Variants in STEAP1B observed in about 807,000 individuals in gnomAD.
The protein encoded by STEAP1B is STEAP family protein MGC87042.
Under a neutral mutation model 27.9 loss-of-function variants are expected in STEAP1B, and 13 were observed. The observed-to-expected ratio is 0.47, with a 90% CI of 0.30 to 0.74. The LOEUF (loss-of-function observed/expected upper bound fraction) is 0.74. Ranked by LOEUF, STEAP1B falls within the 30% of genes least tolerant of loss-of-function variation. The pLI is 0.06. For missense variants in STEAP1B, 250 were observed against 298.7 expected (o/e 0.84, Z 1.20); for synonymous variants, 86 against 107.1 (o/e 0.80, Z 1.22).
chr7:22,466,581 C>T (rs1785787544), intron 4 of STEAP1B, among the ~76,000 whole-genome samples: 1 of 152,120 alleles, frequency 6.6e-6, no homozygotes. Flanking sequence ...GCCTCCAGAA[C>T]TATGAGAAAG....
intron 4 of STEAP1B, among the ~76,000 whole-genome samples, chr7:22,444,906 C>T (rs60219727): frequency 0.16 from 24,627 of 152,166 alleles, 2,082 homozygotes; most frequent in Non-Finnish European, 0.18. Flanking sequence ...ACTAAGCCAA[C>T]AATTGGACAC....
chr7:22,456,507 G>C (rs992593988), intron 4 of STEAP1B, among the ~76,000 whole-genome samples: 2 of 152,186 alleles, frequency 1.3e-5, no homozygotes, highest in Admixed American at 6.5e-5. Flanking sequence ...TGTGTCCTAT[G>C]TACTCAGTGA....
intron 4 of STEAP1B, among the ~76,000 whole-genome samples, chr7:22,475,057 T>C (rs1027430151): frequency 6.6e-6 from 1 of 152,172 alleles, no homozygotes; most frequent in Non-Finnish European, 1.5e-5. Context: ...CCTCATAGTA[T>C]CCTCATCTCC....
In STEAP1B at chr7:22,427,871, C is replaced by G. The variant is rs563487785; in HGVS notation, c.763-8035G>C. 5.3e-4 allele frequency among the ~76,000 whole-genome samples: 80 copies of G among 152,264 alleles called. 1 individual carries two copies. The South Asian group carries it at 0.016, about 31-fold the overall frequency. Reference sequence around the variant, plus strand: ...GTACGAGTAGAGAAATAGTAGAAATCAAAGAACACAACAAATGATTTGAAA... The same window carrying G: ...GTACGAGTAGAGAAATAGTAGAAATGAAAGAACACAACAAATGATTTGAAA... On this transcript the variant is annotated intron_variant, in intron 4 of 4. Coordinates refer to ENST00000678116, the MANE Select transcript of STEAP1B (RefSeq NM_001382447.1).
chr7:22,462,115 C>T (rs189047163), intron 4 of STEAP1B, among the ~76,000 whole-genome samples: 181 of 152,252 alleles, frequency 1.2e-3, no homozygotes, highest in African/African-American at 4.1e-3. Context: ...TTGAGTATCA[C>T]TACCAACTAA....
At chr7:22,496,178 A>T (rs1662023204) in intron 1 of STEAP1B, among the ~76,000 whole-genome samples, 1 of 56,786 alleles carries the variant, frequency 1.8e-5, no homozygotes, top group Admixed American at 2.2e-4. Context: ...TCAACAAAAA[A>T]GTCTAAAAAG....
intron 4 of STEAP1B, among the ~76,000 whole-genome samples, chr7:22,479,157 A>C (rs1481168386): frequency 6.6e-6 from 1 of 152,192 alleles, no homozygotes; most frequent in Non-Finnish European, 1.5e-5. Context: ...CTACATTATT[A>C]CTATCATTTC....
intron 4 of STEAP1B, among the ~76,000 whole-genome samples, chr7:22,453,053 T>C (rs1013646253): frequency 1.3e-5 from 2 of 152,172 alleles, no homozygotes; most frequent in East Asian, 1.9e-4. Flanking sequence ...TTGGCACATG[T>C]TCCCCCTTCC....
chr7:22,425,182 G>C (rs889117942), intron 4 of STEAP1B, among the ~76,000 whole-genome samples: 2 of 152,026 alleles, frequency 1.3e-5, no homozygotes, highest in African/African-American at 4.8e-5. Flanking sequence ...ATCTGCCCTG[G>C]GTGAAGTGTC....
Position 22,421,943 on chromosome 7 carries a change from T to G in STEAP1B, c.763-2107A>C, listed in dbSNP as rs375127708. On this transcript the variant is annotated intron_variant, in intron 4 of 4. Coordinates refer to ENST00000678116, the MANE Select transcript of STEAP1B (RefSeq NM_001382447.1). ...TCTGCAGTATGGATAAAACTTTGAATTTAGAATTATCACAATTAACTTTGA... is the reference window on the plus strand; with the variant it reads ...TCTGCAGTATGGATAAAACTTTGAAGTTAGAATTATCACAATTAACTTTGA... Among the ~76,000 whole-genome samples, 335 of 152,348 alleles carry G rather than the reference T, an allele frequency of 2.2e-3. 11 individuals carry two copies. The South Asian group carries it at 0.064, about 29-fold the overall frequency.
intron 4 of STEAP1B, 143 bp from the exon 5 acceptor site, chr7:22,419,979 C>G (rs1785024999): frequency 2.0e-6 from 2 of 976,330 alleles, no homozygotes; most frequent in Non-Finnish European, 2.9e-6. Flanking sequence ...CAGGGCAAAG[C>G]TAGGCCTAGA....
At chr7:22,428,759 T>A (rs1288988535) in intron 4 of STEAP1B, among the ~76,000 whole-genome samples, 1 of 151,934 alleles carries the variant, frequency 6.6e-6, no homozygotes, top group Non-Finnish European at 1.5e-5. Flanking sequence ...GCCACGGCAC[T>A]CCAGCCTGGT....
intron 4 of STEAP1B, among the ~76,000 whole-genome samples, chr7:22,467,155 T>C (rs1279390212): frequency 6.6e-6 from 1 of 152,246 alleles, no homozygotes; most frequent in Non-Finnish European, 1.5e-5. Context: ...GGTTTAGACT[T>C]GTCTCCCTTT....
chr7:22,471,060 C>T (rs1052608273), intron 4 of STEAP1B, among the ~76,000 whole-genome samples: 1 of 133,366 alleles, frequency 7.5e-6, no homozygotes, highest in Admixed American at 7.2e-5. Flanking sequence ...ACCTAAAGAG[C>T]CTATTTTTTC....
chr7:22,477,550 T>C (rs1236590316), intron 4 of STEAP1B, among the ~76,000 whole-genome samples: 2 of 152,242 alleles, frequency 1.3e-5, no homozygotes, highest in East Asian at 1.9e-4. Context: ...TTAGGACTGA[T>C]ACTAAAATAA....
rs1785019589 is a variant in STEAP1B, at chr7:22,419,618, A to T, written c.*186T>A. On this transcript the variant is annotated 3_prime_UTR_variant, in exon 5 of 5. Transcript: ENST00000678116. ...ATATGGACTTTTTGTTTGCTCTCTC[A>T]TGAGTCCGCTGGGGGATCCACTCAT... The T allele has an allele frequency of 3.8e-6, 2 of 526,172 alleles. No individual in the cohort carries two copies. The highest frequency in any genetic ancestry group is 3.3e-5 in the South Asian group (1 of 29,892). The allele number at this position is 526,172 out of a possible 1,614,324, so 32.6% of individuals were successfully genotyped here.
intron 4 of STEAP1B, among the ~76,000 whole-genome samples, chr7:22,457,695 C>T (rs3114728): frequency 0.63 from 96,018 of 152,174 alleles, 30,923 homozygotes; most frequent in African/African-American, 0.76. Flanking sequence ...CATGTGACTG[C>T]ACCTGGCAGT....
chr7:22,478,998 G>T (rs1365839719), intron 4 of STEAP1B, among the ~76,000 whole-genome samples: 1 of 152,172 alleles, frequency 6.6e-6, no homozygotes, highest in Non-Finnish European at 1.5e-5. Context: ...CCCTCAGAGA[G>T]GCAGGCCTGG....
intron 4 of STEAP1B, among the ~76,000 whole-genome samples, chr7:22,456,972 A>ATATATATATATATATATATATATATT: frequency 8.8e-5 from 5 of 57,080 alleles, no homozygotes; most frequent in South Asian, 1.0e-3. Context: ...ATATATATAT[A>ATATATATATATATATATATATATATT]TTTTTTTTTT....
Sources: allele counts gnomAD v4.1 joint callset (sites outside exome capture counted in the v4.1 genomes callset), GRCh38; gene constraint gnomAD v4.1.1; transcripts MANE v1.5; gene names NCBI Gene and HGNC (gene_info 2026-07-23, HGNC 2026-07-21).